The following KCNB2 variants were observed in gnomAD, a reference collection of about 807,000 sequenced individuals.
The protein encoded by KCNB2 is delayed rectifier potassium channel protein.
KCNB2 carries 15 observed loss-of-function variants against 61.5 expected under a neutral mutation model. That is an observed-to-expected ratio of 0.24 (90% CI 0.16 to 0.38). KCNB2 has a LOEUF of 0.38. Among genes scored for constraint, KCNB2 ranks in the 10% least tolerant of loss-of-function variants. The probability of loss-of-function intolerance (pLI) is 1.00; values close to 1 mark genes in which losing one functional copy is unlikely to be tolerated. For missense variants in KCNB2, 828 were observed against 1,125.2 expected (o/e 0.74, Z 3.78); for synonymous variants, 457 against 446.0 (o/e 1.02, Z -0.31).
At chr8:72,647,736 A>G (rs191518391) in intron 2 of KCNB2, among the ~76,000 whole-genome samples, 1 of 152,120 alleles carries the variant, frequency 6.6e-6, no homozygotes, top group Non-Finnish European at 1.5e-5. Context: ...GAAAAATTAC[A>G]AAGTGTTGGT....
At chr8:72,824,898 C>A (rs1809572105) in intron 2 of KCNB2, among the ~76,000 whole-genome samples, 1 of 152,166 alleles carries the variant, frequency 6.6e-6, no homozygotes, top group Non-Finnish European at 1.5e-5. Flanking sequence ...GTAAAATATA[C>A]ATAACATAAA....
intron 2 of KCNB2, among the ~76,000 whole-genome samples, chr8:72,824,523 C>T (rs1029391614): frequency 1.3e-5 from 2 of 152,108 alleles, no homozygotes; most frequent in South Asian, 2.1e-4. Context: ...AAACAAGCCT[C>T]TTGGGTGGTA....
chr8:72,702,893 C>T (rs531496734), intron 2 of KCNB2, among the ~76,000 whole-genome samples: 4 of 152,208 alleles, frequency 2.6e-5, no homozygotes, highest in South Asian at 2.1e-4. Context: ...ATCCACTCCC[C>T]GTGGCATGTC....
At chr8:72,561,707 A>ATC (rs1563523332) in intron 1 of KCNB2, among the ~76,000 whole-genome samples, 1 of 31,788 alleles carries the variant, frequency 3.1e-5, no homozygotes. Context: ...ATATATATAT[A>ATC]TATATATATA....
intron 2 of KCNB2, among the ~76,000 whole-genome samples, chr8:72,581,652 G>A (rs1457317227): frequency 3.3e-5 from 5 of 152,218 alleles, no homozygotes; most frequent in African/African-American, 9.6e-5. Context: ...AAAGCCGGAT[G>A]TCTTCCTGGT....
At chr8:72,771,104 A>G (rs1376695977) in intron 2 of KCNB2, among the ~76,000 whole-genome samples, 1 of 152,250 alleles carries the variant, frequency 6.6e-6, no homozygotes, top group Non-Finnish European at 1.5e-5. Context: ...TTTCTCCAGA[A>G]AAATCATCTG....
At chr8:72,757,637 T>G (rs1053052749) in intron 2 of KCNB2, among the ~76,000 whole-genome samples, 1 of 152,090 alleles carries the variant, frequency 6.6e-6, no homozygotes, top group Non-Finnish European at 1.5e-5. Context: ...TTTATTTATT[T>G]TATGTGCGTG....
At chr8:72,625,575 C>T (rs1805776593) in intron 2 of KCNB2, among the ~76,000 whole-genome samples, 2 of 152,006 alleles carry the variant, frequency 1.3e-5, no homozygotes, top group South Asian at 2.1e-4. Flanking sequence ...AGACTACAGG[C>T]GTGTGTGACC....
At chr8:72,660,363 C>T (rs1345385626) in intron 2 of KCNB2, among the ~76,000 whole-genome samples, 3 of 152,168 alleles carry the variant, frequency 2.0e-5, no homozygotes, top group Non-Finnish European at 2.9e-5. Flanking sequence ...CCTGAGAGTC[C>T]TTACCCCATC....
At chr8:72,606,228 A>G (rs1285634444) in intron 2 of KCNB2, among the ~76,000 whole-genome samples, 1 of 152,188 alleles carries the variant, frequency 6.6e-6, no homozygotes, top group Non-Finnish European at 1.5e-5. Context: ...AACACTTCTC[A>G]TAAAATTATT....
chr8:72,744,909 A>T (rs1585867489), intron 2 of KCNB2, among the ~76,000 whole-genome samples: 1 of 152,304 alleles, frequency 6.6e-6, no homozygotes, highest in South Asian at 2.1e-4. Context: ...TCTCTTTGCA[A>T]TGGGCTTATA....
intron 2 of KCNB2, among the ~76,000 whole-genome samples, chr8:72,860,381 T>A (rs955738159): frequency 1.3e-5 from 2 of 152,234 alleles, no homozygotes; most frequent in Non-Finnish European, 2.9e-5. Context: ...CTAGTAGATG[T>A]GAAATGGTAT....
At chr8:72,708,531 CT>C (rs1807272556) in intron 2 of KCNB2, among the ~76,000 whole-genome samples, 1 of 152,164 alleles carries the variant, frequency 6.6e-6, no homozygotes, top group Non-Finnish European at 1.5e-5. Context: ...GTGAATGCTT[CT>C]CTCATCAAGG....
intron 2 of KCNB2, among the ~76,000 whole-genome samples, chr8:72,797,171 T>C (rs1285289498): frequency 1.3e-5 from 2 of 152,236 alleles, no homozygotes; most frequent in Non-Finnish European, 2.9e-5. Flanking sequence ...GGATGACATT[T>C]GTAATCTCTA....
At chr8:72,913,011 G>A (rs1387028713) in intron 2 of KCNB2, among the ~76,000 whole-genome samples, 1 of 152,136 alleles carries the variant, frequency 6.6e-6, no homozygotes, top group Non-Finnish European at 1.5e-5. Context: ...GCTAATTTAA[G>A]TACCAAAAGG....
intron 2 of KCNB2, among the ~76,000 whole-genome samples, chr8:72,722,986 C>T (rs1306821284): frequency 6.6e-6 from 1 of 152,152 alleles, no homozygotes; most frequent in Non-Finnish European, 1.5e-5. Context: ...TTTAAACTGC[C>T]CAAAGTGCTG....
chr8:72,768,519 A>G (rs1252529997), intron 2 of KCNB2, among the ~76,000 whole-genome samples: 2 of 151,734 alleles, frequency 1.3e-5, no homozygotes, highest in Non-Finnish European at 2.9e-5. Context: ...GTGCTGTATT[A>G]TATGCAGCAC....
intron 2 of KCNB2, among the ~76,000 whole-genome samples, chr8:72,577,431 T>C (rs1806815568): frequency 6.6e-6 from 1 of 152,212 alleles, no homozygotes; most frequent in Non-Finnish European, 1.5e-5. Flanking sequence ...AACTTCAGCA[T>C]GTATTTGGCA....
At chr8:72,700,621 T>G (rs1429146104) in intron 2 of KCNB2, among the ~76,000 whole-genome samples, 4 of 152,116 alleles carry the variant, frequency 2.6e-5, no homozygotes, top group Non-Finnish European at 4.4e-5. Context: ...AAGGGAACAC[T>G]TATACACTGT....
Sources: gnomAD v4.1 joint callset for allele counts (sites outside exome capture counted in the v4.1 genomes callset) on GRCh38, gnomAD v4.1.1 for gene constraint, MANE v1.5 for transcripts, NCBI Gene and HGNC (gene_info 2026-07-23, HGNC 2026-07-21) for gene names.